The following KLK5 variants were observed in gnomAD, a reference collection of about 807,000 sequenced individuals.
KLK5 encodes the protein kallikrein-5.
In KLK5, 18 loss-of-function variants were observed where a neutral mutation model predicts 24.0. The ratio of observed to expected loss-of-function variants is 0.75; its 90% CI spans 0.52 to 1.11. The LOEUF (loss-of-function observed/expected upper bound fraction) is 1.11. Ranked by LOEUF, KLK5 falls within the 50% of genes most tolerant of loss-of-function variation. KLK5 has a pLI of 0.00. For missense variants in KLK5, 374 were observed against 379.2 expected, an observed-to-expected ratio of 0.99 and a Z score of 0.11; for synonymous variants, 140 against 154.0, an observed-to-expected ratio of 0.91 and a Z score of 0.67.
Position 50,950,135 on chromosome 19 carries a change from T to A in KLK5, c.74-19A>T. ...ACATGCTCTGGGAACGGAAAATGGG[T>A]TGGGCGGGGCTCAGAGGCGGGGCTT... On this transcript the variant is annotated intron_variant, in intron 2 of 5. Coordinates refer to ENST00000336334, the MANE Select transcript of KLK5 (RefSeq NM_012427.5). 2 of 1,568,198 alleles carry A rather than the reference T, an allele frequency of 1.3e-6. No individual in the cohort carries two copies. The highest frequency in any genetic ancestry group is 1.8e-6 in the Non-Finnish European group (2 of 1,142,788).
At chr19:50,948,405 G>A (rs924508281) in intron 5 of KLK5, among the ~76,000 whole-genome samples, 1 of 152,124 alleles carries the variant, frequency 6.6e-6, no homozygotes, top group Non-Finnish European at 1.5e-5. Context: ...TTACAGGTGT[G>A]AGCCACTGCG....
chr19:50,944,968 TTTC>T (rs1298655416), intron 5 of KLK5, among the ~76,000 whole-genome samples: 2 of 152,052 alleles, frequency 1.3e-5, no homozygotes, highest in African/African-American at 2.4e-5. Flanking sequence ...CTCTCTTTTC[TTTC>T]TTCTTTCTTT....
At chr19:50,945,820 A>AAGAAAAGAAAAGAAAAGAAAAG in intron 5 of KLK5, among the ~76,000 whole-genome samples, 1 of 152,304 alleles carries the variant, frequency 6.6e-6, no homozygotes, top group Middle Eastern at 3.4e-3. Context: ...AAGAAAAGAA[A>AAGAAAAGAAAAGAAAAGAAAAG]TAAATATGTA....
chr19:50,948,601 C>G (rs753618273), intron 5 of KLK5, 39 bp downstream of exon 5: 1 of 1,609,710 alleles, frequency 6.2e-7, no homozygotes, highest in Non-Finnish European at 8.5e-7. Context: ...CGAGTTGGCA[C>G]TCAGTGTGTA....
In KLK5 at chr19:50,943,449, A is replaced by C. The variant is rs985253579; in HGVS notation, c.*182T>G. ...GTTTTGGAAATTGTTCCCAGGGTTC[A>C]ACTAGAGAGACACGGTCAGCCCAAT... On this transcript the variant is annotated 3_prime_UTR_variant, in exon 6 of 6. Transcript: ENST00000336334. The C allele has an allele frequency of 2.9e-5, 16 of 556,216 alleles. No individual in the cohort carries two copies. Among genetic ancestry groups the C allele is most frequent in the African/African-American group, 2.8e-4 (15 of 53,172 alleles). 34.5% of individuals were successfully genotyped at this position (556,216 alleles called of 1,614,324 possible).
chr19:50,945,393 T>C (rs2090623274), intron 5 of KLK5, among the ~76,000 whole-genome samples: 2 of 151,682 alleles, frequency 1.3e-5, no homozygotes, highest in Admixed American at 6.6e-5. Context: ...TGATGCCATA[T>C]CCACAGCACC....
chr19:50,952,562 T>G, intron 2 of KLK5, 23 bp downstream of exon 2: 3 of 1,218,282 alleles, frequency 2.5e-6, no homozygotes, highest in South Asian at 1.3e-5. Context: ...CCCACAACCC[T>G]CCCACCCCAG....
chr19:50,950,226 A>AG, intron 2 of KLK5, 110 bp from the exon 3 acceptor site: 1 of 1,014,994 alleles, frequency 9.9e-7, no homozygotes, highest in East Asian at 2.5e-5. Context: ...TGACATGCTG[A>AG]GGGGGCAGGG....
chr19:50,948,737 C>T lies in KLK5; in HGVS notation c.629G>A (p.Ser210Asn), dbSNP rs2232535. The change falls in exon 5 of 6, where the codon AGC (serine) becomes AAC (asparagine). Residue 210 changes from serine (S) to asparagine (N), a missense_variant. Physicochemically the swap from Ser to Asn is conservative, Grantham distance 46. Coordinates refer to ENST00000336334, the MANE Select transcript of KLK5 (RefSeq NM_012427.5). ...CTCGCACCTTTTCTGACTTAGCACG[C>T]TGATATTCAAGCACTGGAGGACCTT... is the stretch of plus-strand genomic sequence containing the variant. Reference protein sequence around the residue: ...FPKVLQCLNISVLSQKRCEDA... With the variant: ...FPKVLQCLNINVLSQKRCEDA... The T allele has an allele frequency of 1.2e-6, 2 of 1,614,138 alleles. No homozygotes were observed. Among genetic ancestry groups the T allele is most frequent in the Non-Finnish European group, 1.7e-6 (2 of 1,180,046 alleles).
Position 50,943,631 on chromosome 19 carries a change from T to C in KLK5, c.882A>G (p.Ter294TrpextTer60). The part of the protein sequence containing the change: ...WIQETIQANS[*>W] The stretch of plus-strand genomic sequence containing the variant: ...CCGGTGTGCTGAGTCCTGGGATGAC[T>C]CAGGAGTTGGCCTGGATGGTTTCCT... The change falls in exon 6 of 6, where the codon TGA becomes TGG. Residue 294 changes from the stop codon to tryptophan (W), a stop_lost. Coordinates refer to ENST00000336334, the MANE Select transcript of KLK5 (RefSeq NM_012427.5). The C allele has an allele frequency of 6.2e-7, 1 of 1,613,428 alleles. No homozygotes were observed. Among genetic ancestry groups the C allele is most frequent in the Middle Eastern group, 1.7e-4 (1 of 6,056 alleles).
intron 4 of KLK5, 28 bp downstream of exon 4, chr19:50,948,831 C>T (rs372176438): frequency 3.2e-5 from 51 of 1,613,926 alleles, no homozygotes; most frequent in South Asian, 6.6e-5. Flanking sequence ...AGAGATGGGT[C>T]GGTATCAAGA....
rs755559418 is a variant in KLK5, at chr19:50,948,954, G to C, written c.497C>G (p.Thr166Ser). 4.3e-6 allele frequency: 7 copies of C among 1,613,978 alleles called. No individual in the cohort carries two copies. The East Asian group carries it at 1.3e-4, about 31-fold the overall frequency. ...LIKLNRRIRPTKDVRPINVSS... is the reference protein window; with the variant it reads ...LIKLNRRIRPSKDVRPINVSS... ...GACGTTGATGGGTCTGACATCTTTA[G>C]TGGGACGAATTCTTCTGTTCAGTTT... Residue 166 changes from threonine (T) to serine (S), a missense_variant, in exon 4 of 6, where the codon ACT (threonine) becomes AGT (serine). Coordinates refer to ENST00000336334, the MANE Select transcript of KLK5 (RefSeq NM_012427.5).
In KLK5 at chr19:50,952,925, G is replaced by A. The variant is rs2090701015; in HGVS notation, c.-190C>T. On this transcript the variant is annotated 5_prime_UTR_variant, in exon 1 of 6. Transcript: ENST00000336334. ...ACACCTCTCCTTCCCTGCCTGCTGA[G>A]CCACCCTCACCAGGTCTCACTTGCC... 3.0e-6 allele frequency: 1 copy of A among 331,468 alleles called. No homozygotes were observed. The highest frequency in any genetic ancestry group is 5.5e-6 in the Non-Finnish European group (1 of 182,758). The allele number at this position is 331,468 out of a possible 1,614,324, so 20.5% of individuals were successfully genotyped here. A position where few individuals can be genotyped will look rare whatever the true frequency, so the allele number is the denominator to read the frequency against.
rs200734928 is a variant in KLK5, at chr19:50,949,994, G to T, written c.196C>A (p.Arg66Ser). 6.2e-7 allele frequency: 1 copy of T among 1,613,578 alleles called. No individual in the cohort carries two copies. Among genetic ancestry groups the T allele is most frequent in the Non-Finnish European group, 8.5e-7 (1 of 1,179,932 alleles). ...EDARSDDSSS[R>S]IINGSDCDMH... ...TCGCAGTCGGATCCATTGATGATGCGGCTGCTGCTGTCATCCGACCGGGCG... is the reference window on the plus strand; with the variant it reads ...TCGCAGTCGGATCCATTGATGATGCTGCTGCTGCTGTCATCCGACCGGGCG... The change falls in exon 3 of 6, where the codon CGC becomes AGC. Residue 66 changes from arginine (R) to serine (S), a missense_variant. Arg to Ser is a moderately radical substitution (Grantham distance 110). Transcript: ENST00000336334.
chr19:50,943,571 G>A lies in KLK5; in HGVS notation c.*60C>T. 6.9e-7 allele frequency: 1 copy of A among 1,459,404 alleles called. No individual in the cohort carries two copies. Among genetic ancestry groups the A allele is most frequent in the Admixed American group, 1.7e-5 (1 of 58,034 alleles). The allele number at this position is 1,459,404 out of a possible 1,614,324, so 90.4% of individuals were successfully genotyped here. A position where few individuals can be genotyped will look rare whatever the true frequency, so the allele number is the denominator to read the frequency against. Reference sequence around the variant, plus strand: ...CTGGGAAGGAATGAGGGTCTGAAAGGAGTGTCAGGGCTGTCCCTGCAGCAG... The same window carrying A: ...CTGGGAAGGAATGAGGGTCTGAAAGAAGTGTCAGGGCTGTCCCTGCAGCAG... On this transcript the variant is annotated 3_prime_UTR_variant, in exon 6 of 6. Transcript: ENST00000336334.
At chr19:50,949,228 C>G in intron 3 of KLK5, 113 bp from the exon 4 acceptor site, 1 of 1,034,382 alleles carries the variant, frequency 9.7e-7, no homozygotes, top group East Asian at 2.6e-5. Flanking sequence ...CCCCGGTCCC[C>G]AAACCATCCT....
intron 2 of KLK5, 190 bp from the exon 3 acceptor site, chr19:50,950,306 A>G (rs1348466878): frequency 3.3e-6 from 2 of 613,966 alleles, no homozygotes; most frequent in African/African-American, 3.7e-5. Context: ...GCCCAGGCTC[A>G]GGTAGGGTTA....
At chr19:50,949,386 C>T (rs1312884005) in intron 3 of KLK5, among the ~76,000 whole-genome samples, 2 of 151,694 alleles carry the variant, frequency 1.3e-5, no homozygotes, top group Non-Finnish European at 2.9e-5. Flanking sequence ...TCCAACCCCA[C>T]CCAAAACTCC....
intron 5 of KLK5, among the ~76,000 whole-genome samples, chr19:50,945,073 T>C (rs2739410): frequency 0.03 from 3,909 of 128,972 alleles, 114 homozygotes; most frequent in African/African-American, 0.07. Flanking sequence ...CTTCCTTCCT[T>C]CCTTTCTCTC....
Sources: allele counts gnomAD v4.1 joint callset (sites outside exome capture counted in the v4.1 genomes callset), GRCh38; gene constraint gnomAD v4.1.1; transcripts MANE v1.5; gene names NCBI Gene and HGNC (gene_info 2026-07-23, HGNC 2026-07-21).